COL4A2: variants seen among roughly 807,000 people sequenced by gnomAD.
COL4A2 encodes the protein collagen alpha-2(IV) chain.
In COL4A2, 99 loss-of-function variants were observed where a neutral mutation model predicts 200.2. That is an observed-to-expected ratio of 0.49 (90% CI 0.42 to 0.58). COL4A2 has a LOEUF of 0.58. Ranked by LOEUF, COL4A2 falls within the 20% of genes least tolerant of loss-of-function variation. COL4A2 has a pLI of 0.00. For missense variants in COL4A2, 1,950 were observed against 2,314.1 expected, an observed-to-expected ratio of 0.84 and a Z score of 3.23; for synonymous variants, 897 against 900.6, an observed-to-expected ratio of 1.00 and a Z score of 0.07.
At position 110,457,550 on chromosome 13, in the gene COL4A2, C is replaced by T; in HGVS notation, c.1432+115C>T. 1 of 726,380 alleles carries T rather than the reference C, an allele frequency of 1.4e-6. No homozygotes were observed. Among genetic ancestry groups the T allele is most frequent in the Non-Finnish European group, 2.5e-6 (1 of 396,390 alleles). The allele number at this position is 726,380 out of a possible 1,614,324, so 45.0% of individuals were successfully genotyped here. On this transcript the variant is annotated intron_variant, in intron 21 of 47. Transcript: ENST00000360467. The stretch of plus-strand genomic sequence containing the variant: ...GTGTTTGGACATGAAAATGAGCCTG[C>T]ATGTCTCTCCCAGCCTCCTGTCCCC...
rs773783775 is a variant in COL4A2 at position 110,458,908 on chromosome 13, G to A, written c.1570G>A (p.Gly524Ser). Residue 524 changes from glycine (G) to serine (S), a missense_variant, in exon 22 of 48, where the codon GGC (glycine) becomes AGC (serine). Gly to Ser is a moderately conservative substitution (Grantham distance 56). This residue lies in a region of COL4A2 where 1,385 missense variants were observed against 1,720.5 expected (regional missense o/e 0.80). Transcript: ENST00000360467. The part of the protein sequence containing the change: ...KGDRGDPGQH[G>S]LPGFPGLKGV... ...GGACAGAGGAGACCCCGGCCAACAC[G>A]GCCTCCCTGGGTTCCCAGGGCTCAA... The A allele has an allele frequency of 2.8e-5, 44 of 1,586,662 alleles. No individual in the cohort carries two copies. Among genetic ancestry groups the A allele is most frequent in the African/African-American group, 2.7e-5 (2 of 73,434 alleles).
At chr13:110,324,485 G>A (rs971571658) in intron 3 of COL4A2, among the ~76,000 whole-genome samples, 2 of 152,178 alleles carry the variant, frequency 1.3e-5, no homozygotes, top group African/African-American at 2.4e-5. Context: ...AGGTCTCTTC[G>A]CCTGAATGCA....
chr13:110,448,981 C>T (rs569498521), intron 18 of COL4A2, among the ~76,000 whole-genome samples: 68 of 152,322 alleles, frequency 4.5e-4, no homozygotes, highest in Admixed American at 7.8e-4. Flanking sequence ...CGAAGCTGCC[C>T]GAGCAGGAGA....
At chr13:110,504,020 C>T in intron 44 of COL4A2, 27 bp downstream of exon 44, 1 of 1,550,174 alleles carries the variant, frequency 6.5e-7, no homozygotes, top group Non-Finnish European at 8.7e-7. Context: ...GGGCCTGGAG[C>T]CCCTCGGGGC....
chr13:110,436,016 T>G (rs1171997093), intron 12 of COL4A2: 5 of 585,408 alleles, frequency 8.5e-6, no homozygotes, highest in Non-Finnish European at 1.5e-5. Flanking sequence ...CAGAAACAAA[T>G]GCAGTCCAGA....
intron 3 of COL4A2, among the ~76,000 whole-genome samples, chr13:110,355,553 G>T (rs1280523416): frequency 2.3e-5 from 1 of 44,088 alleles, no homozygotes; most frequent in Non-Finnish European, 4.2e-5. Context: ...GTGTGTGTGG[G>T]GGAGGGCTGT....
chr13:110,335,595 G>A (rs1368865821), intron 3 of COL4A2, among the ~76,000 whole-genome samples: 1 of 152,066 alleles, frequency 6.6e-6, no homozygotes, highest in Admixed American at 6.5e-5. Context: ...GTCTTTATCA[G>A]CAGCATGAAA....
intron 3 of COL4A2, among the ~76,000 whole-genome samples, chr13:110,350,235 T>C (rs1165681365): frequency 6.6e-6 from 1 of 152,258 alleles, no homozygotes; most frequent in East Asian, 1.9e-4. Flanking sequence ...CTAAGGTTTC[T>C]GGAAAACACA....
At position 110,463,016 on chromosome 13, in the gene COL4A2, C is replaced by G. The variant is rs528511230; in HGVS notation, c.1776+632C>G. On this transcript the variant is annotated intron_variant, in intron 24 of 47. Transcript: ENST00000360467. ...CATTTTCCTCCCTCTAGTCACCAAG[C>G]CTGTACCTCCTTAAGCTCTTTGTAC... 104 of 154,964 alleles carry G rather than the reference C, an allele frequency of 6.7e-4. 2 individuals are homozygous for G. In the South Asian group the frequency reaches 0.02, roughly 29 times the overall value. 9.6% of individuals were successfully genotyped at this position (154,964 alleles called of 1,614,324 possible).
chr13:110,319,041 T>G (rs1490073332), intron 3 of COL4A2, among the ~76,000 whole-genome samples: 1 of 152,060 alleles, frequency 6.6e-6, no homozygotes. Flanking sequence ...CTGAGTGCAG[T>G]CATCTTAGCC....
intron 3 of COL4A2, among the ~76,000 whole-genome samples, chr13:110,325,988 G>A (rs565592754): frequency 5.3e-5 from 8 of 152,088 alleles, no homozygotes; most frequent in East Asian, 1.9e-4. Context: ...GTTTCGCCAC[G>A]TTGGCCAGGC....
intron 4 of COL4A2, among the ~76,000 whole-genome samples, chr13:110,380,026 T>C (rs944036707): frequency 2.0e-5 from 3 of 152,222 alleles, no homozygotes; most frequent in African/African-American, 7.2e-5. Flanking sequence ...CAATGGCCTG[T>C]GTTGCCAGCT....
At chr13:110,430,090 T>G (rs1462626828) in intron 8 of COL4A2, 134 bp downstream of exon 8, 5 of 900,228 alleles carry the variant, frequency 5.6e-6, no homozygotes, top group Non-Finnish European at 8.0e-6. Flanking sequence ...CGGCATAATC[T>G]AAAAGTCATC....
chr13:110,328,175 T>G (rs1390472022), intron 3 of COL4A2, among the ~76,000 whole-genome samples: 1 of 152,208 alleles, frequency 6.6e-6, no homozygotes, highest in Non-Finnish European at 1.5e-5. Flanking sequence ...TCTGGGACAC[T>G]TACTTGTGGG....
chr13:110,341,541 G>A (rs1256466371), intron 3 of COL4A2, among the ~76,000 whole-genome samples: 1 of 152,222 alleles, frequency 6.6e-6, no homozygotes, highest in African/African-American at 2.4e-5. Context: ...AGAAGTGTTT[G>A]CTAGAGGACG....
At chr13:110,330,390 G>A in intron 3 of COL4A2, among the ~76,000 whole-genome samples, 1 of 152,102 alleles carries the variant, frequency 6.6e-6, no homozygotes, top group East Asian at 1.9e-4. Flanking sequence ...ATGAAGCTGG[G>A]AGGCGCGGGG....
chr13:110,393,585 A>G (rs924126763), intron 4 of COL4A2, among the ~76,000 whole-genome samples: 27 of 144,206 alleles, frequency 1.9e-4, no homozygotes, highest in African/African-American at 4.5e-4. Flanking sequence ...ATAAAGAGGG[A>G]AAAAAAAAAA....
chr13:110,506,942 G>A (rs1038078105), intron 46 of COL4A2, among the ~76,000 whole-genome samples: 1 of 152,144 alleles, frequency 6.6e-6, no homozygotes, highest in Non-Finnish European at 1.5e-5. Flanking sequence ...CCCAAGTTCT[G>A]TAGACTTGGA....
chr13:110,424,372 T>A, intron 4 of COL4A2, among the ~76,000 whole-genome samples: 1 of 150,672 alleles, frequency 6.6e-6, no homozygotes, highest in African/African-American at 2.4e-5. Context: ...ATGCATTATA[T>A]TGAGGAAAAT....
Sources: allele counts gnomAD v4.1 joint callset (sites outside exome capture counted in the v4.1 genomes callset), GRCh38; gene constraint gnomAD v4.1.1; regional missense constraint gnomAD v4.1.1; transcripts MANE v1.5; gene names NCBI Gene and HGNC (gene_info 2026-07-23, HGNC 2026-07-21).